ITPR2: variants seen among roughly 807,000 people sequenced by gnomAD.
The protein encoded by ITPR2 is inositol 1,4,5-trisphosphate receptor type 2, also known as inositol 1,4,5-trisphosphate-gated calcium channel ITPR2.
Under a neutral mutation model 317.1 loss-of-function variants are expected in ITPR2, and 207 were observed. That is an observed-to-expected ratio of 0.65 (90% CI 0.58 to 0.73). The LOEUF is 0.73. Ranked by LOEUF, ITPR2 falls within the 30% of genes least tolerant of loss-of-function variation. The pLI is 0.00. For missense variants in ITPR2, 2,613 were observed against 3,284.0 expected (o/e 0.80, Z 4.99); for synonymous variants, 1,156 against 1,149.1 (o/e 1.01, Z -0.12).
At chr12:26,818,782 A>T (rs1426388197) in intron 1 of ITPR2, among the ~76,000 whole-genome samples, 1 of 152,172 alleles carries the variant, frequency 6.6e-6, no homozygotes, top group Non-Finnish European at 1.5e-5. Flanking sequence ...TCAAAGATCT[A>T]CCCGAAATGC....
At position 26,483,808 on chromosome 12, in the gene ITPR2, C is replaced by T. The variant is rs767551519; in HGVS notation, c.5902G>A (p.Gly1968Ser). ...TAGAGACCCAACAGGCCCAGGCCAC[C>T]GGTTGTACTTCCACAAATGCAGTCC... The part of the protein sequence containing the change: ...FLDCICGSTT[G>S]GLGLLGLYIN... Residue 1968 changes from glycine (G) to serine (S), a missense_variant, in exon 42 of 57, where the codon GGT becomes AGT. Gly to Ser is a moderately conservative substitution (Grantham distance 56, BLOSUM62 0). Coordinates refer to ENST00000381340, the MANE Select transcript of ITPR2 (RefSeq NM_002223.4). 21 of 1,613,946 alleles carry T rather than the reference C, an allele frequency of 1.3e-5. No homozygotes were observed. Among genetic ancestry groups the T allele is most frequent in the Non-Finnish European group, 1.8e-5 (21 of 1,179,894 alleles).
rs761442193 is a variant in ITPR2 at position 26,428,024 on chromosome 12, C to G, written c.6834G>C (p.Leu2278=). ...WIAVAICTSM[L]FFFSKPVGIR... is the part of the protein sequence containing the mutation. ...TACCCACAGGCTTGGAGAAGAAAAA[C>G]AGCATAGATGTGCAGATCGCAACTG... The change falls in exon 49 of 57, where the codon CTG becomes CTC. Residue 2278 remains leucine (L), a synonymous_variant. Transcript: ENST00000381340. 5 of 1,611,910 alleles carry G rather than the reference C, an allele frequency of 3.1e-6. No individual in the cohort carries two copies. The highest frequency in any genetic ancestry group is 4.2e-6 in the Non-Finnish European group (5 of 1,178,860).
At chr12:26,438,739 C>T (rs1406513073) in intron 47 of ITPR2, among the ~76,000 whole-genome samples, 1 of 152,160 alleles carries the variant, frequency 6.6e-6, no homozygotes, top group Non-Finnish European at 1.5e-5. Flanking sequence ...AATCACAGGA[C>T]AACAGAGGAA....
chr12:26,672,847 AT>A (rs1453623188), intron 13 of ITPR2, among the ~76,000 whole-genome samples: 2 of 152,110 alleles, frequency 1.3e-5, no homozygotes, highest in Non-Finnish European at 2.9e-5. Context: ...AATAGACGCA[AT>A]AAAAAATGAT....
chr12:26,718,953 C>T (rs1220509672), intron 5 of ITPR2, among the ~76,000 whole-genome samples: 1 of 152,062 alleles, frequency 6.6e-6, no homozygotes, highest in Non-Finnish European at 1.5e-5. Context: ...CAAAATGTTC[C>T]TTGGTATCTG....
rs191285824 is a variant in ITPR2 at position 26,425,387 on chromosome 12, G to A, written c.6945+2526C>T. On this transcript the variant is annotated intron_variant, in intron 49 of 56. Coordinates refer to ENST00000381340, the MANE Select transcript of ITPR2 (RefSeq NM_002223.4). Reference sequence around the variant, plus strand: ...TTTTTTTGGTCAAAATGCTCTGAGCGGCCAGGCGCAGTGGCTCACGCATGT... The same window carrying A: ...TTTTTTTGGTCAAAATGCTCTGAGCAGCCAGGCGCAGTGGCTCACGCATGT... 9.2e-5 allele frequency among the ~76,000 whole-genome samples: 14 copies of A among 151,816 alleles called. No individual in the cohort carries two copies. In the East Asian group the frequency reaches 1.9e-3, roughly 21 times the overall value.
At chr12:26,470,060 C>G (rs1306680392) in intron 45 of ITPR2, among the ~76,000 whole-genome samples, 1 of 152,160 alleles carries the variant, frequency 6.6e-6, no homozygotes. Flanking sequence ...CTCACCAGCC[C>G]CTAGATCACT....
chr12:26,468,829 A>G (rs1179670769), intron 45 of ITPR2, among the ~76,000 whole-genome samples: 1 of 152,346 alleles, frequency 6.6e-6, no homozygotes, highest in South Asian at 2.1e-4. Context: ...GTTATCAAAG[A>G]TGTTTACACA....
At chr12:26,353,749 C>T (rs947983028) in intron 55 of ITPR2, among the ~76,000 whole-genome samples, 2 of 152,096 alleles carry the variant, frequency 1.3e-5, no homozygotes, top group African/African-American at 4.8e-5. Flanking sequence ...CACTGAAATT[C>T]CTCAGATATG....
At chr12:26,354,809 C>T (rs1938581622) in intron 55 of ITPR2, among the ~76,000 whole-genome samples, 2 of 152,162 alleles carry the variant, frequency 1.3e-5, no homozygotes. Context: ...GCTGGGATGA[C>T]AGACACATGC....
At chr12:26,550,682 T>A (rs1944502081) in intron 36 of ITPR2, among the ~76,000 whole-genome samples, 1 of 136,260 alleles carries the variant, frequency 7.3e-6, no homozygotes, top group Admixed American at 7.3e-5. Context: ...ATTAGAGAAA[T>A]ACAAATATTT....
chr12:26,381,405 G>A (rs969852245), intron 55 of ITPR2, among the ~76,000 whole-genome samples: 13 of 152,056 alleles, frequency 8.5e-5, no homozygotes, highest in South Asian at 6.2e-4. Context: ...TTTGAGTTTC[G>A]TGGGAGAAGA....
At chr12:26,659,404 CA>C (rs1412219920) in intron 15 of ITPR2, 119 bp from the exon 16 acceptor site, 1 of 869,218 alleles carries the variant, frequency 1.2e-6, no homozygotes, top group Non-Finnish European at 1.7e-6. Flanking sequence ...AAAATTTTCT[CA>C]AAAGAAAAGC....
rs1419949444 is a variant in ITPR2 at position 26,340,238 on chromosome 12, G to T, written c.7948C>A (p.Gln2650Lys). The part of the protein sequence containing the change: ...DSEQNEIRSL[Q>K]EKLESTMSLV... ...CTCATGGTCGATTCCAACTTCTCCT[G>T]AAGGCTCCGAATTTCATTTTGCTCA... Residue 2650 changes from glutamine to lysine, a missense_variant, in exon 56 of 57, where the codon CAG (glutamine) becomes AAG (lysine). By Grantham distance (53) the Gln-to-Lys change is moderately conservative (BLOSUM62 1). Coordinates refer to ENST00000381340, the MANE Select transcript of ITPR2 (RefSeq NM_002223.4). 3 of 1,610,926 alleles carry T rather than the reference G, an allele frequency of 1.9e-6. No homozygotes were observed. Among genetic ancestry groups the T allele is most frequent in the Non-Finnish European group, 2.5e-6 (3 of 1,178,764 alleles).
chr12:26,669,164 A>T (rs1354391960), intron 13 of ITPR2, among the ~76,000 whole-genome samples: 1 of 151,688 alleles, frequency 6.6e-6, no homozygotes, highest in Non-Finnish European at 1.5e-5. Context: ...ATAAAAATTT[A>T]ACTGAAGAAG....
chr12:26,778,556 G>A (rs1950020016), intron 2 of ITPR2, among the ~76,000 whole-genome samples: 1 of 152,230 alleles, frequency 6.6e-6, no homozygotes, highest in Non-Finnish European at 1.5e-5. Flanking sequence ...CCCACCAGAA[G>A]CAATTTGCCT....
rs574239906 is a variant in ITPR2, at chr12:26,746,586, C to T, written c.164-20821G>A. On this transcript the variant is annotated intron_variant, in intron 2 of 56. Transcript: ENST00000381340. ...ATTTCATCTGTAGATTCATACCACC[C>T]CTGGCTTGTTGAGAGCATCACAAAC... Among the ~76,000 whole-genome samples the T allele has an allele frequency of 9.9e-5, 15 of 152,260 alleles. No individual in the cohort carries two copies. In the Middle Eastern group the frequency reaches 0.02, roughly 207 times the overall value.
At chr12:26,509,955 GTT>G (rs200388400) in intron 37 of ITPR2, among the ~76,000 whole-genome samples, 3 of 92,256 alleles carry the variant, frequency 3.3e-5, no homozygotes, top group African/African-American at 1.1e-4. Context: ...GTAGATAAGG[GTT>G]TTGTGTGTGT....
At chr12:26,592,264 T>C (rs1332866402) in intron 32 of ITPR2, among the ~76,000 whole-genome samples, 2 of 152,264 alleles carry the variant, frequency 1.3e-5, no homozygotes, top group South Asian at 2.1e-4. Flanking sequence ...GGAAGGGTAG[T>C]GGGGCAGAGG....
Sources: gnomAD v4.1 joint callset for allele counts (sites outside exome capture counted in the v4.1 genomes callset) on GRCh38, gnomAD v4.1.1 for gene constraint, MANE v1.5 for transcripts, NCBI Gene and HGNC (gene_info 2026-07-23, HGNC 2026-07-21) for gene names.